Variants in FBLN7 observed in about 807,000 individuals in gnomAD.
The protein encoded by FBLN7 is fibulin 7.
A neutral mutation model predicts 44.0 loss-of-function variants in FBLN7; 31 were observed. That is an observed-to-expected ratio of 0.70 (90% confidence interval 0.53 to 0.95). The LOEUF is 0.95. Ranked by LOEUF, FBLN7 falls within the 40% of genes least tolerant of loss-of-function variation. The probability of loss-of-function intolerance (pLI) is 0.00; values close to 1 mark genes in which losing one functional copy is unlikely to be tolerated. For synonymous variants in FBLN7, 262 were observed against 253.4 expected (o/e 1.03, Z -0.32); for missense variants, 573 against 618.5 (o/e 0.93, Z 0.78).
chr2:112,187,537 C>T lies in FBLN7; in HGVS notation c.*31C>T. 3 of 1,603,206 alleles carry T rather than the reference C, an allele frequency of 1.9e-6. No homozygotes were observed. The highest frequency in any genetic ancestry group is 2.6e-6 in the Non-Finnish European group (3 of 1,172,614). On this transcript the variant is annotated 3_prime_UTR_variant, in exon 8 of 8. Transcript: ENST00000331203. This position sits in a 1 kb window ranked among gnomAD's most constrained non-coding sequence, Gnocchi z 5.1. ...CACAGGGGCACTGGGGTGTGGAGAGCTGACCTCATTTCTCTTCCCCGAAGG... is the reference window on the plus strand; with the variant it reads ...CACAGGGGCACTGGGGTGTGGAGAGTTGACCTCATTTCTCTTCCCCGAAGG...
At chr2:112,208,111 T>C in the FBLN7 span, among the ~76,000 whole-genome samples, 1 of 152,172 alleles carries the variant, frequency 6.6e-6, no homozygotes, top group Non-Finnish European at 1.5e-5. Flanking sequence ...AAACACATAG[T>C]GGACTGGGCT....
the FBLN7 span, chr2:112,233,246 G>C: frequency 3.5e-6 from 5 of 1,439,938 alleles, no homozygotes; most frequent in Non-Finnish European, 4.7e-6. Flanking sequence ...ACCATATCTT[G>C]TGATAAAGGA....
At chr2:112,221,614 C>G in the FBLN7 span, among the ~76,000 whole-genome samples, 2 of 152,130 alleles carry the variant, frequency 1.3e-5, no homozygotes, top group Non-Finnish European at 2.9e-5. Context: ...GAGAGCCAGT[C>G]TTCCAGCTCT....
At chr2:112,233,643 G>A in the FBLN7 span, among the ~76,000 whole-genome samples, 31 of 152,126 alleles carry the variant, frequency 2.0e-4, no homozygotes, top group Non-Finnish European at 1.5e-5. Flanking sequence ...CGAGGTGCGC[G>A]GATCATGAGG....
rs1558879926 is a variant in FBLN7, at chr2:112,160,738, GCACACACGCGCACGCACACACGCA to G, written c.235+905_235+928del. On this transcript the variant is annotated intron_variant, in intron 2 of 7. Coordinates refer to ENST00000331203, the MANE Select transcript of FBLN7 (RefSeq NM_153214.3). ...CAAGCACGCGCACACGCACGCACAC[GCACACACGCGCACGCACACACGCA>G]CGCACACGCAGACGCACACGCACGC... Among the ~76,000 whole-genome samples, 68 of 135,346 alleles carry G rather than the reference GCACACACGCGCACGCACACACGCA, an allele frequency of 5.0e-4. 2 individuals carry two copies. The highest frequency in any genetic ancestry group is 2.1e-3 in the South Asian group (9 of 4,226). The allele number at this position is 135,346 out of a possible 152,430, so 88.8% of individuals were successfully genotyped here.
At chr2:112,151,719 G>C (rs1036695152) in intron 1 of FBLN7, 2 of 152,188 alleles carry the variant, frequency 1.3e-5, no homozygotes, top group African/African-American at 4.8e-5. Context: ...GAGGCTCTCA[G>C]GTTGTGAGAT....
chr2:112,163,562 C>T (rs544910914), intron 2 of FBLN7, among the ~76,000 whole-genome samples: 13 of 152,220 alleles, frequency 8.5e-5, no homozygotes, highest in Non-Finnish European at 1.3e-4. Context: ...AGCTTCACCC[C>T]GTCTCTCTCC....
chr2:112,155,214 C>T (rs1237846787), intron 1 of FBLN7, among the ~76,000 whole-genome samples: 1 of 152,124 alleles, frequency 6.6e-6, no homozygotes, highest in East Asian at 1.9e-4. Context: ...TCATTTGTCC[C>T]CATAATGTGG....
At chr2:112,236,126 TGGTGGCG>T in the FBLN7 span, among the ~76,000 whole-genome samples, 1 of 151,840 alleles carries the variant, frequency 6.6e-6, no homozygotes, top group Non-Finnish European at 1.5e-5. Context: ...TAGCCGGGCA[TGGTGGCG>T]GGCGCCTGTA....
At chr2:112,176,144 C>G (rs143862248) in intron 4 of FBLN7, 283 of 233,408 alleles carry the variant, frequency 1.2e-3, no homozygotes, top group Admixed American at 1.7e-3. Context: ...TCACTGTTGC[C>G]ACCTTTGCTT....
chr2:112,190,551 C>T (rs1683453054), downstream of FBLN7: 1 of 152,114 alleles, frequency 6.6e-6, no homozygotes, highest in Admixed American at 6.5e-5. Flanking sequence ...ACATTATGAA[C>T]TCATGGTTGA....
chr2:112,195,076 G>C, the FBLN7 span, among the ~76,000 whole-genome samples: 1 of 152,218 alleles, frequency 6.6e-6, no homozygotes. Flanking sequence ...AGTCTAATGA[G>C]AAACTTAGGC....
intron 3 of FBLN7, among the ~76,000 whole-genome samples, chr2:112,168,834 G>A (rs1682300478): frequency 1.3e-5 from 2 of 152,120 alleles, no homozygotes; most frequent in African/African-American, 4.8e-5. Context: ...TCATTTCAAG[G>A]CCCAAAATAT....
rs1682045067 is a variant in FBLN7, at chr2:112,164,641, C to T, written c.236-360C>T. On this transcript the variant is annotated intron_variant, in intron 2 of 7. Transcript: ENST00000331203. Reference sequence around the variant, plus strand: ...GAGCTGGGGCTGAGCCCGGCCTGTTCAGGAGACCTAAAGAAACCCAGGGGG... The same window carrying T: ...GAGCTGGGGCTGAGCCCGGCCTGTTTAGGAGACCTAAAGAAACCCAGGGGG... Among the ~76,000 whole-genome samples the T allele has an allele frequency of 2.6e-5, 4 of 152,232 alleles. No homozygotes were observed. In the South Asian group the frequency reaches 6.2e-4, roughly 24 times the overall value.
In FBLN7 at chr2:112,187,070, G is replaced by A; in HGVS notation, c.948-64G>A. 6.4e-7 allele frequency: 1 copy of A among 1,570,572 alleles called. No homozygotes were observed. On this transcript the variant is annotated intron_variant, in intron 7 of 7. Transcript: ENST00000331203. This position sits in a 1 kb window ranked among gnomAD's most constrained non-coding sequence, Gnocchi z 5.1. Reference sequence around the variant, plus strand: ...TGCAAGAGGGCAGGTGGGCAGCCGGGTCAGAGCAGCTCTTCATGAGACTCC... The same window carrying A: ...TGCAAGAGGGCAGGTGGGCAGCCGGATCAGAGCAGCTCTTCATGAGACTCC...
At chr2:112,218,093 ACAACT>A in the FBLN7 span, among the ~76,000 whole-genome samples, 2 of 152,200 alleles carry the variant, frequency 1.3e-5, no homozygotes, top group African/African-American at 4.8e-5. Flanking sequence ...GTCATGAAAA[ACAACT>A]CATTCAGCTT....
chr2:112,234,475 T>C, the FBLN7 span, among the ~76,000 whole-genome samples: 4 of 152,230 alleles, frequency 2.6e-5, no homozygotes, highest in African/African-American at 9.6e-5. Context: ...TTATGATACA[T>C]TGCCTTTATT....
the FBLN7 span, chr2:112,238,497 G>A: frequency 7.4e-6 from 12 of 1,611,268 alleles, no homozygotes; most frequent in Admixed American, 8.4e-5. Flanking sequence ...TCTATGCAGC[G>A]AACTTTTTGG....
chr2:112,172,478 A>G (rs756383027), intron 3 of FBLN7, among the ~76,000 whole-genome samples: 49 of 152,060 alleles, frequency 3.2e-4, no homozygotes, highest in Non-Finnish European at 6.2e-4. Context: ...AACTGATGCT[A>G]TTGTGCTACT....
Sources: gnomAD v4.1 joint callset for allele counts (sites outside exome capture counted in the v4.1 genomes callset) on GRCh38, gnomAD v4.1.1 for gene constraint, Gnocchi (gnomAD v3.1) non-coding constraint, MANE v1.5 for transcripts, NCBI Gene and HGNC (gene_info 2026-07-23, HGNC 2026-07-21) for gene names.